Variants in PTPRM observed in about 807,000 individuals in gnomAD.
PTPRM encodes receptor-type tyrosine-protein phosphatase mu.
A neutral mutation model predicts 186.7 loss-of-function variants in PTPRM; 47 were observed. That is an observed-to-expected ratio of 0.25 (90% CI 0.20 to 0.32). The LOEUF is 0.32. Among genes scored for constraint, PTPRM ranks in the 10% least tolerant of loss-of-function variants. PTPRM has a pLI of 1.00. For synonymous variants in PTPRM, 668 were observed against 674.9 expected (o/e 0.99, Z 0.16); for missense variants, 1,494 against 1,865.0 (o/e 0.80, Z 3.66).
chr18:7,991,815 T>A (rs916028375), intron 7 of PTPRM, among the ~76,000 whole-genome samples: 9 of 152,042 alleles, frequency 5.9e-5, no homozygotes, highest in Admixed American at 3.9e-4. Flanking sequence ...GGCCCATAAG[T>A]TATGGGATGT....
intron 22 of PTPRM, among the ~76,000 whole-genome samples, chr18:8,332,321 G>A (rs1432445254): frequency 6.6e-6 from 1 of 152,108 alleles, no homozygotes; most frequent in East Asian, 1.9e-4. Flanking sequence ...GGCTATTTTA[G>A]TGTTTATTTA....
chr18:8,313,787 T>G (rs1009573371), intron 20 of PTPRM, among the ~76,000 whole-genome samples: 1 of 152,050 alleles, frequency 6.6e-6, no homozygotes, highest in Non-Finnish European at 1.5e-5. Context: ...GTATCATTCT[T>G]ATGCCTTTGT....
At chr18:8,104,465 G>C (rs963415481) in intron 11 of PTPRM, among the ~76,000 whole-genome samples, 1 of 152,116 alleles carries the variant, frequency 6.6e-6, no homozygotes, top group African/African-American at 2.4e-5. Context: ...ATGTTTTAGT[G>C]GGGGAATCTT....
chr18:7,733,920 G>A (rs1176127173), intron 1 of PTPRM, among the ~76,000 whole-genome samples: 1 of 152,228 alleles, frequency 6.6e-6, no homozygotes, highest in Non-Finnish European at 1.5e-5. Context: ...GTAAACCCTT[G>A]TGGGGCAGGT....
intron 14 of PTPRM, among the ~76,000 whole-genome samples, chr18:8,231,785 AT>A (rs1458041248): frequency 1.3e-5 from 2 of 152,114 alleles, no homozygotes; most frequent in Non-Finnish European, 2.9e-5. Context: ...TTAATAAACT[AT>A]TTTTAGAGCA....
In PTPRM at chr18:8,303,837, T is replaced by C. The variant is rs529647913; in HGVS notation, c.2842+7382T>C. On this transcript the variant is annotated intron_variant, in intron 20 of 32. Transcript: ENST00000580170. ...ACAAGCAGGGAGACTGCACTGGAGG[T>C]GGCATCTCCACCGGGTAAGGCGCCA... 6.6e-5 allele frequency among the ~76,000 whole-genome samples: 10 copies of C among 152,164 alleles called. No individual in the cohort carries two copies. In the South Asian group the frequency reaches 2.1e-3, roughly 32 times the overall value.
chr18:8,358,102 C>A (rs899023681), intron 23 of PTPRM, among the ~76,000 whole-genome samples: 2 of 152,042 alleles, frequency 1.3e-5, no homozygotes, highest in African/African-American at 4.8e-5. Context: ...CATATTTACA[C>A]ATGCACATTT....
chr18:7,851,874 A>C (rs955801151), intron 2 of PTPRM, among the ~76,000 whole-genome samples: 11 of 152,204 alleles, frequency 7.2e-5, no homozygotes, highest in African/African-American at 2.7e-4. Flanking sequence ...ATGTGACAGC[A>C]ATAGCTTGTT....
intron 14 of PTPRM, among the ~76,000 whole-genome samples, chr18:8,169,190 C>T (rs895155109): frequency 4.6e-5 from 7 of 152,024 alleles, no homozygotes; most frequent in South Asian, 4.1e-4. Flanking sequence ...AGAAGAGACC[C>T]GAGTCCTATT....
intron 20 of PTPRM, among the ~76,000 whole-genome samples, chr18:8,305,966 C>T (rs910546143): frequency 2.0e-5 from 3 of 151,480 alleles, no homozygotes; most frequent in Admixed American, 6.6e-5. Context: ...GGTGCGATCT[C>T]AGCTCACTGC....
At chr18:8,388,919 C>T (rs912277336) in intron 31 of PTPRM, among the ~76,000 whole-genome samples, 2 of 152,110 alleles carry the variant, frequency 1.3e-5, no homozygotes, top group Non-Finnish European at 2.9e-5. Flanking sequence ...CGAGATGGCG[C>T]CACTGCACTC....
intron 29 of PTPRM, among the ~76,000 whole-genome samples, chr18:8,381,455 A>T (rs1290794275): frequency 6.6e-6 from 1 of 151,818 alleles, no homozygotes; most frequent in Non-Finnish European, 1.5e-5. Context: ...TCTTGCCATC[A>T]TCCAGCCATA....
rs143120941 is a variant in PTPRM, at chr18:7,778,725, G to A, written c.196+4454G>A. Among the ~76,000 whole-genome samples the A allele has an allele frequency of 4.9e-3, 745 of 152,052 alleles. 3 individuals carry two copies. The highest frequency in any genetic ancestry group is 0.016 in the African/African-American group (648 of 41,472). Reference sequence around the variant, plus strand: ...GACCTCTTGACCTCAGGTGATCCACGTGCCTCAGCCTACCAAAGTTCTAGG... The same window carrying A: ...GACCTCTTGACCTCAGGTGATCCACATGCCTCAGCCTACCAAAGTTCTAGG... On this transcript the variant is annotated intron_variant, in intron 2 of 32. Transcript: ENST00000580170.
chr18:7,816,399 T>G, intron 2 of PTPRM, among the ~76,000 whole-genome samples: 1 of 152,228 alleles, frequency 6.6e-6, no homozygotes, highest in South Asian at 2.1e-4. Flanking sequence ...CATATACTTG[T>G]AAATTGACAT....
intron 7 of PTPRM, among the ~76,000 whole-genome samples, chr18:8,069,345 A>T (rs963890931): frequency 6.6e-6 from 1 of 152,152 alleles, no homozygotes; most frequent in Non-Finnish European, 1.5e-5. Flanking sequence ...TGAGCTCCAA[A>T]CATCATATCC....
At chr18:7,849,278 T>TC (rs2046750351) in intron 2 of PTPRM, among the ~76,000 whole-genome samples, 2 of 152,248 alleles carry the variant, frequency 1.3e-5, no homozygotes, top group Admixed American at 1.3e-4. Flanking sequence ...TGTTTCAGGT[T>TC]ATCAAGAAAG....
intron 1 of PTPRM, among the ~76,000 whole-genome samples, chr18:7,658,757 T>G (rs1012894050): frequency 2.0e-5 from 3 of 152,314 alleles, no homozygotes; most frequent in African/African-American, 7.2e-5. Flanking sequence ...TTTTCTCACA[T>G]GAAGTTTTCC....
At chr18:8,289,603 C>CACATATATATAT (rs1568675677) in intron 19 of PTPRM, among the ~76,000 whole-genome samples, 39 of 104,644 alleles carry the variant, frequency 3.7e-4, no homozygotes, top group South Asian at 1.7e-3. Context: ...TATATATATA[C>CACATATATATAT]ACACATATAT....
At chr18:7,997,104 C>G (rs1568156070) in intron 7 of PTPRM, among the ~76,000 whole-genome samples, 1 of 152,010 alleles carries the variant, frequency 6.6e-6, no homozygotes, top group Non-Finnish European at 1.5e-5. Context: ...GCAAAAAGAA[C>G]AAGGCTAGAG....
Sources: gnomAD v4.1 joint callset for allele counts (sites outside exome capture counted in the v4.1 genomes callset) on GRCh38, gnomAD v4.1.1 for gene constraint, MANE v1.5 for transcripts, NCBI Gene and HGNC (gene_info 2026-07-23, HGNC 2026-07-21) for gene names.